KIAA0930: variants seen among roughly 807,000 people sequenced by gnomAD.
KIAA0930 encodes the protein uncharacterized protein KIAA0930.
A neutral mutation model predicts 43.9 loss-of-function variants in KIAA0930; 24 were observed. The observed-to-expected ratio is 0.55, with a 90% confidence interval of 0.40 to 0.77. The LOEUF is 0.77. Among genes scored for constraint, KIAA0930 ranks in the 30% least tolerant of loss-of-function variants. The pLI, the probability that KIAA0930 is intolerant of heterozygous loss-of-function variation, is 0.00. For synonymous variants in KIAA0930, 259 were observed against 216.4 expected, an observed-to-expected ratio of 1.20 and a Z score of -1.73; for missense variants, 461 against 574.2, an observed-to-expected ratio of 0.80 and a Z score of 2.02.
At chr22:45,230,177 G>A (rs528496219) in intron 1 of KIAA0930, among the ~76,000 whole-genome samples, 1 of 152,318 alleles carries the variant, frequency 6.6e-6, no homozygotes, top group South Asian at 2.1e-4. Flanking sequence ...TGGCTGAGGG[G>A]CAAGGGAGGG....
At chr22:45,223,902 C>A (rs1343304464) in intron 1 of KIAA0930, among the ~76,000 whole-genome samples, 1 of 151,298 alleles carries the variant, frequency 6.6e-6, no homozygotes, top group Non-Finnish European at 1.5e-5. Context: ...TGAGACAGCA[C>A]CCAGGATCAG....
intron 2 of KIAA0930, chr22:45,211,568 CACT>C (rs1412605206): frequency 4.3e-6 from 2 of 466,572 alleles, no homozygotes; most frequent in African/African-American, 4.0e-5. Flanking sequence ...TCATCACCAC[CACT>C]GAGTCAGGTC....
At chr22:45,233,038 G>A (rs1601827871) in intron 1 of KIAA0930, among the ~76,000 whole-genome samples, 1 of 152,100 alleles carries the variant, frequency 6.6e-6, no homozygotes, top group Non-Finnish European at 1.5e-5. Context: ...CTGGGAGCAG[G>A]CCAGATCAGG....
At chr22:45,211,463 C>T (rs527758371) in intron 2 of KIAA0930, 3 of 400,924 alleles carry the variant, frequency 7.5e-6, no homozygotes, top group African/African-American at 4.1e-5. Context: ...CCCACCCTGT[C>T]GAGTTGTTGG....
At chr22:45,213,542 T>A (rs1157768289) in intron 1 of KIAA0930, 1 of 1,160,100 alleles carries the variant, frequency 8.6e-7, no homozygotes, top group Non-Finnish European at 1.1e-6. Flanking sequence ...TCCTGCCGCG[T>A]TTTTGCAACA....
At chr22:45,211,499 G>T (rs1275641435) in intron 2 of KIAA0930, 1 of 405,104 alleles carries the variant, frequency 2.5e-6, no homozygotes, top group East Asian at 3.5e-5. Context: ...CTAAGAAGAA[G>T]AGAGCTCAGC....
intron 1 of KIAA0930, among the ~76,000 whole-genome samples, chr22:45,224,851 C>T (rs367732905): frequency 9.9e-4 from 150 of 152,222 alleles, no homozygotes; most frequent in African/African-American, 3.1e-3. Flanking sequence ...CTGGAGGGGC[C>T]GGGCCCTCTT....
intron 2 of KIAA0930, among the ~76,000 whole-genome samples, chr22:45,208,189 C>T (rs2083655899): frequency 6.6e-6 from 1 of 152,212 alleles, no homozygotes; most frequent in Admixed American, 6.5e-5. Context: ...CATTACACAG[C>T]AGTGAGACCA....
chr22:45,215,696 C>T (rs2083727653), intron 1 of KIAA0930, among the ~76,000 whole-genome samples: 1 of 152,192 alleles, frequency 6.6e-6, no homozygotes, highest in Non-Finnish European at 1.5e-5. Flanking sequence ...AGCGGAACCC[C>T]AAGTTGTAGA....
chr22:45,231,689 C>T (rs1190848533), intron 1 of KIAA0930, among the ~76,000 whole-genome samples: 1 of 152,132 alleles, frequency 6.6e-6, no homozygotes, highest in African/African-American at 2.4e-5. Flanking sequence ...GTAAAAACTG[C>T]AGAGAAGGTA....
In KIAA0930 at chr22:45,201,796, C is replaced by T. The variant is rs140605547; in HGVS notation, c.852+1194G>A. ...GAGAAAGAAAACCAACATCTGACCA[C>T]CCGGAGATATGCATGATTCAGATCT... On this transcript the variant is annotated intron_variant, in intron 7 of 9. Coordinates refer to ENST00000336156, the MANE Select transcript of KIAA0930 (RefSeq NM_001009880.2). Among the ~76,000 whole-genome samples, 4 of 152,330 alleles carry T rather than the reference C, an allele frequency of 2.6e-5. No individual in the cohort carries two copies. In the East Asian group the frequency reaches 7.7e-4, roughly 29 times the overall value.
intron 1 of KIAA0930, among the ~76,000 whole-genome samples, chr22:45,222,658 C>G (rs899139423): frequency 3.3e-5 from 5 of 151,192 alleles, no homozygotes; most frequent in African/African-American, 1.2e-4. Context: ...CGCCCCCCCA[C>G]CACCACACAC....
intron 1 of KIAA0930, among the ~76,000 whole-genome samples, chr22:45,220,383 A>G (rs1490172890): frequency 6.6e-6 from 1 of 151,886 alleles, no homozygotes; most frequent in East Asian, 1.9e-4. Context: ...TGAATCCAGG[A>G]GGCGGAGGTT....
At chr22:45,219,059 T>C (rs2083751373) in intron 1 of KIAA0930, among the ~76,000 whole-genome samples, 1 of 152,212 alleles carries the variant, frequency 6.6e-6, no homozygotes, top group Admixed American at 6.5e-5. Context: ...CTTTTATCTT[T>C]CGAGGCATTT....
intron 1 of KIAA0930, among the ~76,000 whole-genome samples, chr22:45,221,931 A>C (rs568903217): frequency 6.6e-6 from 1 of 152,296 alleles, no homozygotes; most frequent in South Asian, 2.1e-4. Context: ...ACGGGGTATC[A>C]CCATGGTGAC....
intron 2 of KIAA0930, among the ~76,000 whole-genome samples, chr22:45,210,902 C>T (rs985852672): frequency 6.7e-6 from 1 of 150,292 alleles, no homozygotes; most frequent in Non-Finnish European, 1.5e-5. Context: ...ACACTGCACC[C>T]CACTGGCTGC....
intron 8 of KIAA0930, among the ~76,000 whole-genome samples, chr22:45,199,434 A>G (rs536444045): frequency 7.2e-5 from 11 of 152,320 alleles, no homozygotes; most frequent in Non-Finnish European, 1.0e-4. Flanking sequence ...GAGGCTGCAC[A>G]GAGCCAGGAG....
intron 7 of KIAA0930, among the ~76,000 whole-genome samples, chr22:45,201,554 G>A (rs949034863): frequency 5.3e-5 from 8 of 152,202 alleles, no homozygotes; most frequent in African/African-American, 1.2e-4. Flanking sequence ...CACACATTTT[G>A]TCAGAGTCCC....
intron 1 of KIAA0930, among the ~76,000 whole-genome samples, chr22:45,224,350 G>A (rs184923627): frequency 1.6e-4 from 25 of 152,300 alleles, no homozygotes; most frequent in Non-Finnish European, 2.8e-4. Context: ...GAATAACTTC[G>A]TCCTGTTTTA....
Sources: allele counts gnomAD v4.1 joint callset (sites outside exome capture counted in the v4.1 genomes callset), GRCh38; gene constraint gnomAD v4.1.1; transcripts MANE v1.5; gene names NCBI Gene and HGNC (gene_info 2026-07-23, HGNC 2026-07-21).